The following CANT1 variants were observed in gnomAD, a reference collection of about 807,000 sequenced individuals.
CANT1 encodes calcium activated nucleotidase 1.
A neutral mutation model predicts 30.0 loss-of-function variants in CANT1; 26 were observed. The ratio of observed to expected loss-of-function variants is 0.87; its 90% CI spans 0.64 to 1.20. The LOEUF (loss-of-function observed/expected upper bound fraction) is 1.20. Among genes scored for constraint, CANT1 ranks in the 50% most tolerant of loss-of-function variants. CANT1 has a pLI of 0.00. For synonymous variants in CANT1, 246 were observed against 251.8 expected, an observed-to-expected ratio of 0.98 and a Z score of 0.22; for missense variants, 518 against 563.0, an observed-to-expected ratio of 0.92 and a Z score of 0.81.
chr17:78,997,554 C>A lies in CANT1; in HGVS notation c.69G>T (p.Gly23=). ...ESMHSLRISV[G]GLPVLASMTK... Reference sequence around the variant, plus strand: ...TCATGGACGCCAGCACAGGAAGGCCCCCCACACTGATCCGGAGGGAGTGCA... The same window carrying A: ...TCATGGACGCCAGCACAGGAAGGCCACCCACACTGATCCGGAGGGAGTGCA... Residue 23 remains glycine, a synonymous_variant, in exon 3 of 5, where the codon GGG becomes GGT. Transcript: ENST00000392446. This position sits in a 1 kb window ranked among gnomAD's most constrained non-coding sequence, Gnocchi z 7.5. The A allele has an allele frequency of 6.4e-7, 1 of 1,564,070 alleles. No individual in the cohort carries two copies. Among genetic ancestry groups the A allele is most frequent in the African/African-American group, 1.4e-5 (1 of 73,714 alleles).
rs1046920725 is a variant in CANT1 at position 78,995,673 on chromosome 17, G to A, written c.632-452C>T. On this transcript the variant is annotated intron_variant, in intron 3 of 4. Transcript: ENST00000392446. The surrounding 1 kb of genome is among the most constrained non-coding windows in gnomAD (Gnocchi z 5.7). ...TTCCTTTCAATGGATTTGTTCAGAA[G>A]CTGTTTTTGCTTTTTTTAAACTGAT... 6.6e-6 allele frequency among the ~76,000 whole-genome samples: 1 copy of A among 152,220 alleles called. No homozygotes were observed. The highest frequency in any genetic ancestry group is 1.5e-5 in the Non-Finnish European group (1 of 68,038).
intron 1 of CANT1, among the ~76,000 whole-genome samples, chr17:79,000,762 C>G (rs1030798842): frequency 6.6e-6 from 1 of 152,358 alleles, no homozygotes; most frequent in Non-Finnish European, 1.5e-5. Flanking sequence ...GCAGCTCGGT[C>G]TCTCCTACGG....
At chr17:78,994,021 C>A in intron 4 of CANT1, 101 bp from the exon 5 acceptor site, 2 of 1,427,838 alleles carry the variant, frequency 1.4e-6, no homozygotes, top group South Asian at 2.7e-5. Context: ...GCTGCGACCA[C>A]CAGGGCCCAC....
intron 1 of CANT1, among the ~76,000 whole-genome samples, chr17:79,004,282 GGGGGAGTTAGGGAGGGGAGTTAGGGAGA>G (rs2071398011): frequency 3.7e-5 from 1 of 27,108 alleles, no homozygotes. Context: ...AGTTAGGGAG[GGGGGAGTTAGGGAGGGGAGTTAGGGAGA>G]GGGGAGTTAG....
At chr17:79,006,085 A>C (rs2145858144) in intron 1 of CANT1, 1 of 152,400 alleles carries the variant, frequency 6.6e-6, no homozygotes, top group South Asian at 2.1e-4. Flanking sequence ...GGTCAAGCTC[A>C]GGATCTGACT....
intron 1 of CANT1, among the ~76,000 whole-genome samples, chr17:79,009,080 C>T (rs986508374): frequency 6.6e-6 from 1 of 152,106 alleles, no homozygotes; most frequent in Non-Finnish European, 1.5e-5. Flanking sequence ...GGGTGCCCCA[C>T]ACTAGCCAGA....
Position 78,997,251 on chromosome 17 carries a change from G to A in CANT1, c.372C>T (p.Thr124=). ...DTESRAQEEN[T]WFSYLKKGYL... ...AGCCCTTTTTCAGGTAACTGAACCA[G>A]GTGTTTTCCTCTTGGGCCCTTGACT... The change falls in exon 3 of 5, where the codon ACC becomes ACT. Residue 124 remains threonine (T), a synonymous_variant. Transcript: ENST00000392446. This position sits in a 1 kb window ranked among gnomAD's most constrained non-coding sequence, Gnocchi z 7.5. 2 of 1,614,226 alleles carry A rather than the reference G, an allele frequency of 1.2e-6. No homozygotes were observed. Among genetic ancestry groups the A allele is most frequent in the Non-Finnish European group, 1.7e-6 (2 of 1,180,050 alleles).
chr17:79,007,853 C>T lies in CANT1; in HGVS notation c.-147+1811G>A, dbSNP rs112155852. On this transcript the variant is annotated intron_variant, in intron 1 of 4. Transcript: ENST00000392446. ...AAAGGAGACCTCTGGCAATCAGAAG[C>T]GTCAAGCCTCAGATGTGCCCCTCCA... Among the ~76,000 whole-genome samples the T allele has an allele frequency of 9.0e-3, 1,373 of 152,336 alleles. 7 individuals carry two copies. Among genetic ancestry groups the T allele is most frequent in the Non-Finnish European group, 0.014 (964 of 68,024 alleles).
In CANT1 at chr17:78,993,046, A is replaced by AT. The variant is rs1454393130; in HGVS notation, c.*503dup. 1 of 328,650 alleles carries AT rather than the reference A, an allele frequency of 3.0e-6. No individual in the cohort carries two copies. The highest frequency in any genetic ancestry group is 2.1e-5 in the African/African-American group (1 of 48,212). 20.4% of individuals were successfully genotyped at this position (328,650 alleles called of 1,614,324 possible). A position where few individuals can be genotyped will look rare whatever the true frequency, so the allele number is the denominator to read the frequency against. On this transcript the variant is annotated 3_prime_UTR_variant, in exon 5 of 5. Coordinates refer to ENST00000392446, the MANE Select transcript of CANT1 (RefSeq NM_001159773.2). The surrounding 1 kb of genome is among the most constrained non-coding windows in gnomAD (Gnocchi z 4.5). ...GCCTGCCCTCACTCGTGACCATGCAATACCCTGCAACATAAACATTTTCTT... is the reference window on the plus strand; with the variant it reads ...GCCTGCCCTCACTCGTGACCATGCAATTACCCTGCAACATAAACATTTTCTT...
rs754187843 is a variant in CANT1, at chr17:78,993,631, C to A, written c.1125G>T (p.Met375Ile). Reference sequence around the variant, plus strand: ...GGAAGCGCCCGTCCAGCGTGAAGGCCATGATGTAGGAGGCGACTCTGCCGC... The same window carrying A: ...GGAAGCGCCCGTCCAGCGTGAAGGCAATGATGTAGGAGGCGACTCTGCCGC... ...EDSGRVASYI[M>I]AFTLDGRFLL... The change falls in exon 5 of 5, where the codon ATG becomes ATT. Residue 375 changes from methionine to isoleucine, a missense_variant. Coordinates refer to ENST00000392446, the MANE Select transcript of CANT1 (RefSeq NM_001159773.2). This position sits in a 1 kb window ranked among gnomAD's most constrained non-coding sequence, Gnocchi z 4.5. 8.7e-6 allele frequency: 14 copies of A among 1,614,136 alleles called. No homozygotes were observed. In the East Asian group the frequency reaches 2.5e-4, roughly 28 times the overall value.
chr17:78,991,912 A>C lies in CANT1; in HGVS notation c.*1638T>G, dbSNP rs948807964. On this transcript the variant is annotated 3_prime_UTR_variant, in exon 5 of 5. Transcript: ENST00000392446. ...ACTCAGGTGCTGACATGAATACATC[A>C]GCAAGGTCTCAATTCAGCCACAGTC... is the stretch of plus-strand genomic sequence containing the variant. 2 of 231,410 alleles carry C rather than the reference A, an allele frequency of 8.6e-6. No individual in the cohort carries two copies. Among genetic ancestry groups the C allele is most frequent in the African/African-American group, 4.4e-5 (2 of 45,234 alleles). The allele number at this position is 231,410 out of a possible 1,614,324, so 14.3% of individuals were successfully genotyped here.
At chr17:79,009,595 G>T in intron 1 of CANT1, 69 bp downstream of exon 1, 1 of 152,840 alleles carries the variant, frequency 6.5e-6, no homozygotes, top group South Asian at 1.8e-4. Flanking sequence ...GGCGGCGGCA[G>T]GCTCCGGGAC....
Position 78,997,695 on chromosome 17 carries a change from C to T in CANT1, c.-22-51G>A, listed in dbSNP as rs957176291. On this transcript the variant is annotated intron_variant, in intron 2 of 4. Transcript: ENST00000392446. This position sits in a 1 kb window ranked among gnomAD's most constrained non-coding sequence, Gnocchi z 7.5. ...GAGTCAGCGCCTCCGCAAGCCCAGT[C>T]ACATCTTAGTTCCGGAAGCTGCAGG... 124 of 1,457,262 alleles carry T rather than the reference C, an allele frequency of 8.5e-5. 1 individual carries two copies. Among genetic ancestry groups the T allele is most frequent in the Middle Eastern group, 3.7e-4 (2 of 5,470 alleles). 90.3% of individuals were successfully genotyped at this position (1,457,262 alleles called of 1,614,324 possible).
rs746203294 is a variant in CANT1, at chr17:78,995,026, T to C, written c.827A>G (p.Gln276Arg). 5 of 1,573,284 alleles carry C rather than the reference T, an allele frequency of 3.2e-6. No homozygotes were observed. In the East Asian group the frequency reaches 9.3e-5, roughly 29 times the overall value. ...YNALRAAAGIQPPGYLIHESA... is the reference protein window; with the variant it reads ...YNALRAAAGIRPPGYLIHESA... ...GGGCAGGCGTCTCTTACCTGGCGGC[T>C]GGATGCCGGCAGCAGCCCGCAGGGC... is the stretch of plus-strand genomic sequence containing the variant. Residue 276 changes from glutamine (Q) to arginine (R), a missense_variant, in exon 4 of 5, where the codon CAG becomes CGG. Gln to Arg is a conservative substitution (Grantham distance 43). Transcript: ENST00000392446. The surrounding 1 kb of genome is among the most constrained non-coding windows in gnomAD (Gnocchi z 5.7).
intron 1 of CANT1, among the ~76,000 whole-genome samples, chr17:78,999,642 A>ATT (rs35755919): frequency 0.024 from 2,339 of 97,344 alleles, 173 homozygotes; most frequent in African/African-American, 0.048. Flanking sequence ...CGCACAGCGA[A>ATT]TTTTTTTTTT....
Position 78,995,305 on chromosome 17 carries a change from C to T in CANT1, c.632-84G>A, listed in dbSNP as rs868277454. ...GGCTCCCACCCGGCCCCGCACCTGTCCTTAGACCCCGCACCTGACTCCCGC... is the reference window on the plus strand; with the variant it reads ...GGCTCCCACCCGGCCCCGCACCTGTTCTTAGACCCCGCACCTGACTCCCGC... On this transcript the variant is annotated intron_variant, in intron 3 of 4. Transcript: ENST00000392446. This position sits in a 1 kb window ranked among gnomAD's most constrained non-coding sequence, Gnocchi z 5.7. 2.8e-6 allele frequency: 4 copies of T among 1,409,902 alleles called. No homozygotes were observed. Among genetic ancestry groups the T allele is most frequent in the Admixed American group, 1.9e-5 (1 of 52,260 alleles). The allele number at this position is 1,409,902 out of a possible 1,614,324, so 87.3% of individuals were successfully genotyped here.
intron 1 of CANT1, among the ~76,000 whole-genome samples, chr17:79,003,317 A>G (rs2071332315): frequency 6.6e-6 from 1 of 152,046 alleles, no homozygotes; most frequent in Non-Finnish European, 1.5e-5. Context: ...TTGCAAAAAA[A>G]TTTCAAATCA....
At chr17:78,999,716 C>T (rs551871868) in intron 1 of CANT1, among the ~76,000 whole-genome samples, 7 of 144,334 alleles carry the variant, frequency 4.8e-5, no homozygotes, top group African/African-American at 1.0e-4. Flanking sequence ...TGCAATGGCA[C>T]GATCTCGGCT....
In CANT1 at chr17:78,997,072, G is replaced by T. The variant is rs770371904; in HGVS notation, c.551C>A (p.Thr184Lys). Residue 184 changes from threonine (T) to lysine (K), a missense_variant, in exon 3 of 5, where the codon ACG becomes AAG. This residue lies in a region of CANT1 where 249 missense variants were observed against 268.8 expected (regional missense o/e 0.93). Coordinates refer to ENST00000392446, the MANE Select transcript of CANT1 (RefSeq NM_001159773.2). The surrounding 1 kb of genome is among the most constrained non-coding windows in gnomAD (Gnocchi z 7.5). ...GCCTTCGATCTGGTAGACGACCCCC[G>T]TCCGGTCATCCACGGAGTAGAGTTT... ...NGKLYSVDDR[T>K]GVVYQIEGSK... The T allele has an allele frequency of 1.2e-6, 2 of 1,614,154 alleles. No homozygotes were observed. The highest frequency in any genetic ancestry group is 1.1e-5 in the South Asian group (1 of 91,084).
Sources: allele counts gnomAD v4.1 joint callset (sites outside exome capture counted in the v4.1 genomes callset), GRCh38; gene constraint gnomAD v4.1.1; regional missense constraint gnomAD v4.1.1; non-coding constraint Gnocchi (gnomAD v3.1); transcripts MANE v1.5; gene names NCBI Gene and HGNC (gene_info 2026-07-23, HGNC 2026-07-21).